Variants in PPARG observed in about 807,000 individuals in gnomAD.
PPARG encodes peroxisome proliferator activated receptor gamma, also known as peroxisome proliferator-activated receptor gamma.
Under a neutral mutation model 39.2 loss-of-function variants are expected in PPARG, and 17 were observed. That is an observed-to-expected ratio of 0.43 (90% CI 0.30 to 0.65). The LOEUF (loss-of-function observed/expected upper bound fraction) is 0.65. Among genes scored for constraint, PPARG ranks in the 30% least tolerant of loss-of-function variants. The pLI, the probability that PPARG is intolerant of heterozygous loss-of-function variation, is 0.13. For synonymous variants in PPARG, 223 were observed against 215.7 expected, an observed-to-expected ratio of 1.03 and a Z score of -0.30; for missense variants, 406 against 585.9, an observed-to-expected ratio of 0.69 and a Z score of 3.17.
intron 1 of PPARG, among the ~76,000 whole-genome samples, chr3:12,306,590 A>G (rs1347230534): frequency 6.6e-6 from 1 of 152,166 alleles, no homozygotes; most frequent in Non-Finnish European, 1.5e-5. Context: ...CACCGCCACC[A>G]CTATTCCACA....
At position 12,312,473 on chromosome 3, in the gene PPARG, A is replaced by G. The variant is rs1209360204; in HGVS notation, c.-9+20A>G. 1 of 152,238 alleles carries G rather than the reference A, an allele frequency of 6.6e-6. No individual in the cohort carries two copies. Among genetic ancestry groups the G allele is most frequent in the Admixed American group, 6.5e-5 (1 of 15,292 alleles). The allele number at this position is 152,238 out of a possible 1,614,324, so 9.4% of individuals were successfully genotyped here. The stretch of plus-strand genomic sequence containing the variant: ...TTAACGGTAAGTAAAATCAGAATTT[A>G]TACTGCATTTGTATTGAAAAGTATC... On this transcript the variant is annotated intron_variant, in intron 2 of 7. Coordinates refer to ENST00000651735, the MANE Select transcript of PPARG (RefSeq NM_138711.6).
At chr3:12,341,198 A>T (rs1260617183) in intron 2 of PPARG, among the ~76,000 whole-genome samples, 3 of 149,512 alleles carry the variant, frequency 2.0e-5, no homozygotes, top group South Asian at 2.1e-4. Flanking sequence ...AAAAAAAAAG[A>T]TTAGATATTT....
chr3:12,414,493 A>G (rs963341265), intron 6 of PPARG, among the ~76,000 whole-genome samples: 26 of 152,264 alleles, frequency 1.7e-4, no homozygotes, highest in Non-Finnish European at 1.8e-4. Context: ...AAGAAAGTAA[A>G]TATTTCATTA....
chr3:12,430,136 TTATCTCAATGGATAAAGGTCAC>T (rs1233084247), intron 7 of PPARG, among the ~76,000 whole-genome samples: 3 of 152,244 alleles, frequency 2.0e-5, no homozygotes, highest in Non-Finnish European at 4.4e-5. Flanking sequence ...CTCTTGAGCC[TTATCTCAATGGATAAAGGTCAC>T]TAGAGTTTAT....
intron 2 of PPARG, among the ~76,000 whole-genome samples, chr3:12,349,291 A>G (rs1319752710): frequency 4.6e-5 from 7 of 152,236 alleles, no homozygotes; most frequent in African/African-American, 1.7e-4. Flanking sequence ...CAAAACAGAT[A>G]CATAATAAGA....
intron 1 of PPARG, among the ~76,000 whole-genome samples, chr3:12,306,189 T>G (rs2047058401): frequency 6.6e-6 from 1 of 152,172 alleles, no homozygotes; most frequent in South Asian, 2.1e-4. Context: ...ATTAGTTAGA[T>G]TCTCATAAGA....
intron 6 of PPARG, among the ~76,000 whole-genome samples, chr3:12,413,898 G>T (rs931682460): frequency 6.6e-6 from 1 of 151,796 alleles, no homozygotes; most frequent in Admixed American, 6.6e-5. Flanking sequence ...AGTATTTACT[G>T]CCAGGAAATC....
At chr3:12,339,945 G>C (rs1205251546) in intron 2 of PPARG, among the ~76,000 whole-genome samples, 1 of 152,170 alleles carries the variant, frequency 6.6e-6, no homozygotes, top group East Asian at 1.9e-4. Context: ...AGGTCTTTCA[G>C]GTACACAGTT....
chr3:12,310,257 C>A (rs1480765537), intron 1 of PPARG, among the ~76,000 whole-genome samples: 1 of 152,068 alleles, frequency 6.6e-6, no homozygotes, highest in Admixed American at 6.5e-5. Flanking sequence ...AGAATAGATA[C>A]CAGTTTCTAG....
intron 2 of PPARG, among the ~76,000 whole-genome samples, chr3:12,348,619 C>T (rs1455786850): frequency 6.6e-6 from 1 of 152,180 alleles, no homozygotes; most frequent in East Asian, 1.9e-4. Flanking sequence ...GGAGAGATGG[C>T]CCTCTTCTCA....
chr3:12,318,772 A>T (rs2047458311), intron 2 of PPARG, among the ~76,000 whole-genome samples: 1 of 152,098 alleles, frequency 6.6e-6, no homozygotes, highest in Non-Finnish European at 1.5e-5. Context: ...ATACATATAC[A>T]GTGTTACATA....
At chr3:12,391,874 A>T (rs1345265062) in intron 4 of PPARG, among the ~76,000 whole-genome samples, 2 of 152,216 alleles carry the variant, frequency 1.3e-5, no homozygotes, top group African/African-American at 4.8e-5. Context: ...GAACCCAAAA[A>T]ATGGAGTCAG....
chr3:12,371,733 G>A, intron 2 of PPARG: 1 of 486,368 alleles, frequency 2.1e-6, no homozygotes, highest in Non-Finnish European at 3.9e-6. Context: ...GCCAAGCTGG[G>A]CTCCCGTCCA....
intron 2 of PPARG, among the ~76,000 whole-genome samples, chr3:12,320,673 G>C (rs2047517464): frequency 6.6e-6 from 1 of 152,134 alleles, no homozygotes; most frequent in Non-Finnish European, 1.5e-5. Flanking sequence ...CCAAGAGTTG[G>C]AGACCAGCGT....
At chr3:12,330,838 A>G (rs1438449561) in intron 2 of PPARG, among the ~76,000 whole-genome samples, 1 of 152,226 alleles carries the variant, frequency 6.6e-6, no homozygotes, top group African/African-American at 2.4e-5. Context: ...CACCTTGAAG[A>G]GACCATCTCT....
intron 2 of PPARG, among the ~76,000 whole-genome samples, chr3:12,351,967 C>T (rs947596102): frequency 2.6e-5 from 4 of 152,102 alleles, no homozygotes; most frequent in Admixed American, 6.6e-5. Context: ...TTTTTATTTC[C>T]TGAGTTTGCA....
At chr3:12,330,562 T>C (rs2125046066) in intron 2 of PPARG, among the ~76,000 whole-genome samples, 1 of 152,336 alleles carries the variant, frequency 6.6e-6, no homozygotes, top group African/African-American at 2.4e-5. Context: ...GTCAAAAAGA[T>C]GATTTCATTT....
At chr3:12,421,733 C>T (rs2051269092) in intron 7 of PPARG, among the ~76,000 whole-genome samples, 1 of 152,208 alleles carries the variant, frequency 6.6e-6, no homozygotes, top group African/African-American at 2.4e-5. Flanking sequence ...GACAGAGAAG[C>T]TGCCGATATC....
chr3:12,423,365 G>A (rs79493637), intron 7 of PPARG, among the ~76,000 whole-genome samples: 2,057 of 152,324 alleles, frequency 0.014, 57 homozygotes, highest in African/African-American at 0.047. Flanking sequence ...CAGAACACCA[G>A]TGTTCAATCA....
Sources: allele counts gnomAD v4.1 joint callset (sites outside exome capture counted in the v4.1 genomes callset), GRCh38; gene constraint gnomAD v4.1.1; transcripts MANE v1.5; gene names NCBI Gene and HGNC (gene_info 2026-07-23, HGNC 2026-07-21).